Variants in CAMTA1 observed in about 807,000 individuals in gnomAD.
The protein encoded by CAMTA1 is calmodulin binding transcription activator 1.
Under a neutral mutation model 170.9 loss-of-function variants are expected in CAMTA1, and 27 were observed. The observed-to-expected ratio is 0.16, with a 90% CI of 0.12 to 0.22. The LOEUF is 0.22. Ranked by LOEUF, CAMTA1 falls within the 10% of genes least tolerant of loss-of-function variation. The pLI, the probability that CAMTA1 is intolerant of heterozygous loss-of-function variation, is 1.00. For missense variants in CAMTA1, 1,619 were observed against 2,217.2 expected (o/e 0.73, Z 5.42); for synonymous variants, 833 against 891.5 (o/e 0.93, Z 1.17).
intron 3 of CAMTA1, among the ~76,000 whole-genome samples, chr1:6,929,626 G>A (rs932517313): frequency 6.6e-6 from 1 of 152,192 alleles, no homozygotes; most frequent in African/African-American, 2.4e-5. Context: ...GCTTCCCAAA[G>A]TGCTGGGATT....
chr1:7,279,876 A>G (rs1671266640), intron 5 of CAMTA1, among the ~76,000 whole-genome samples: 1 of 152,134 alleles, frequency 6.6e-6, no homozygotes, highest in African/African-American at 2.4e-5. Context: ...ACCAAAAAAA[A>G]AGAACTTGCC....
At chr1:7,187,377 T>C (rs1240636179) in intron 4 of CAMTA1, among the ~76,000 whole-genome samples, 2 of 152,214 alleles carry the variant, frequency 1.3e-5, no homozygotes, top group Non-Finnish European at 2.9e-5. Flanking sequence ...AGCTCATTTT[T>C]TAACATAAAA....
chr1:7,168,064 A>G (rs1011394696), intron 4 of CAMTA1, among the ~76,000 whole-genome samples: 2 of 152,212 alleles, frequency 1.3e-5, no homozygotes, highest in Non-Finnish European at 2.9e-5. Context: ...CAGAAGATCT[A>G]TCTTAGGTTA....
At chr1:7,281,140 T>C (rs1442995827) in intron 5 of CAMTA1, among the ~76,000 whole-genome samples, 1 of 152,248 alleles carries the variant, frequency 6.6e-6, no homozygotes, top group Non-Finnish European at 1.5e-5. Flanking sequence ...TACCTCTATG[T>C]CTAGTTCCCC....
Position 7,338,599 on chromosome 1 carries a change from G to A in CAMTA1, c.438+88973G>A, listed in dbSNP as rs148482769. ...CAAGACAAAGCCCTGCCCTCATGGA[G>A]TGCACATGGGAAAGGCATTCAGTCA... is the stretch of plus-strand genomic sequence containing the variant. On this transcript the variant is annotated intron_variant, in intron 5 of 22. Transcript: ENST00000303635. 4.6e-5 allele frequency among the ~76,000 whole-genome samples: 7 copies of A among 152,312 alleles called. No homozygotes were observed. The East Asian group carries it at 1.2e-3, about 25-fold the overall frequency.
intron 4 of CAMTA1, among the ~76,000 whole-genome samples, chr1:7,223,672 G>A (rs551573143): frequency 6.6e-6 from 1 of 152,294 alleles, no homozygotes; most frequent in African/African-American, 2.4e-5. Flanking sequence ...CAAAGGGACA[G>A]TTAATAAATA....
intron 3 of CAMTA1, among the ~76,000 whole-genome samples, chr1:7,070,714 G>A (rs1638527277): frequency 6.6e-6 from 1 of 152,234 alleles, no homozygotes; most frequent in African/African-American, 2.4e-5. Context: ...GTTATAGGGA[G>A]GGGACCAGAG....
At chr1:7,364,942 G>C (rs1452588444) in intron 5 of CAMTA1, among the ~76,000 whole-genome samples, 3 of 152,256 alleles carry the variant, frequency 2.0e-5, no homozygotes, top group African/African-American at 4.8e-5. Context: ...CCAGTCAGGG[G>C]AATGGCGGTG....
Position 7,547,054 on chromosome 1 carries a change from C to T in CAMTA1, c.510+79153C>T, listed in dbSNP as rs1021807742. Among the ~76,000 whole-genome samples, 43 of 152,040 alleles carry T rather than the reference C, an allele frequency of 2.8e-4. 1 individual carries two copies. The highest frequency in any genetic ancestry group is 6.0e-4 in the Non-Finnish European group (41 of 67,996). Reference sequence around the variant, plus strand: ...TTATTCAATGGATTATAATCTATTACCATTGTTATTTATTTCAGTGTTCAT... The same window carrying T: ...TTATTCAATGGATTATAATCTATTATCATTGTTATTTATTTCAGTGTTCAT... On this transcript the variant is annotated intron_variant, in intron 6 of 22. Coordinates refer to ENST00000303635, the MANE Select transcript of CAMTA1 (RefSeq NM_015215.4). The surrounding 1 kb of genome is among the most constrained non-coding windows in gnomAD (Gnocchi z 5.7).
chr1:7,757,315 A>G (rs146770001), intron 22 of CAMTA1, among the ~76,000 whole-genome samples: 140 of 152,386 alleles, frequency 9.2e-4, no homozygotes, highest in African/African-American at 3.2e-3. Flanking sequence ...CAGACAACAC[A>G]TAAATGAATG....
chr1:7,106,579 G>C (rs921488172), intron 4 of CAMTA1, among the ~76,000 whole-genome samples: 1 of 152,048 alleles, frequency 6.6e-6, no homozygotes, highest in African/African-American at 2.4e-5. Context: ...TTCAACTTCG[G>C]TGTCTTTCTT....
At chr1:7,462,748 G>C (rs1326798257) in intron 5 of CAMTA1, among the ~76,000 whole-genome samples, 1 of 152,158 alleles carries the variant, frequency 6.6e-6, no homozygotes, top group East Asian at 1.9e-4. Flanking sequence ...CCCTGGCAGG[G>C]ACCTAGTAAC....
At chr1:7,089,558 CCCATCCCATCCCA>C in intron 3 of CAMTA1, among the ~76,000 whole-genome samples, 1 of 140,150 alleles carries the variant, frequency 7.1e-6, no homozygotes, top group African/African-American at 2.5e-5. Context: ...CCCATCCCAT[CCCATCCCATCCCA>C]TCCCATCCCA....
At position 7,730,928 on chromosome 1, in the gene CAMTA1, C is replaced by CTATATA. The variant is rs148508017; in HGVS notation, c.2915-1506_2915-1501dup. ...TCTCAATCTCTCTCTCTCTCTCTCT[C>CTATATA]TATATATATATATATATATTTAACA... On this transcript the variant is annotated intron_variant, in intron 11 of 22. Coordinates refer to ENST00000303635, the MANE Select transcript of CAMTA1 (RefSeq NM_015215.4). Among the ~76,000 whole-genome samples the CTATATA allele has an allele frequency of 7.6e-4, 87 of 114,218 alleles. 1 individual carries two copies. Among genetic ancestry groups the CTATATA allele is most frequent in the African/African-American group, 2.4e-3 (77 of 31,738 alleles). The allele number at this position is 114,218 out of a possible 152,430, so 74.9% of individuals were successfully genotyped here.
rs899187040 is a variant in CAMTA1, at chr1:6,971,041, G to A, written c.235-120263G>A. ...GCCTTCCTTCCTTCTCAGGGCTTTG[G>A]AAGCCCCTCTTCTTTCCAAAGGGGC... On this transcript the variant is annotated intron_variant, in intron 3 of 22. Coordinates refer to ENST00000303635, the MANE Select transcript of CAMTA1 (RefSeq NM_015215.4). The surrounding 1 kb of genome is among the most constrained non-coding windows in gnomAD (Gnocchi z 4.6). 6.6e-6 allele frequency among the ~76,000 whole-genome samples: 1 copy of A among 152,158 alleles called. No homozygotes were observed. The highest frequency in any genetic ancestry group is 2.4e-5 in the African/African-American group (1 of 41,430).
intron 6 of CAMTA1, among the ~76,000 whole-genome samples, chr1:7,520,874 T>C (rs1252023736): frequency 6.6e-6 from 1 of 152,088 alleles, no homozygotes; most frequent in Admixed American, 6.5e-5. Context: ...TTCCTCAGCA[T>C]GGCCAGACAC....
intron 3 of CAMTA1, among the ~76,000 whole-genome samples, chr1:6,927,096 C>G (rs1228172284): frequency 1.3e-5 from 2 of 151,948 alleles, no homozygotes; most frequent in Non-Finnish European, 2.9e-5. Context: ...ACAATCATAA[C>G]TCACTGTAGC....
chr1:6,879,613 CTTTTTTTTTTT>C (rs58610375), intron 3 of CAMTA1, among the ~76,000 whole-genome samples: 1 of 132,866 alleles, frequency 7.5e-6, no homozygotes, highest in Admixed American at 7.9e-5. Context: ...TTCCTTTTTT[CTTTTTTTTTTT>C]TTTTTTGAGA....
chr1:7,058,794 G>C (rs1360141201), intron 3 of CAMTA1, among the ~76,000 whole-genome samples: 3 of 152,086 alleles, frequency 2.0e-5, no homozygotes, highest in Non-Finnish European at 2.9e-5. Flanking sequence ...GCCATAGAAG[G>C]ATGAAAAATA....
Sources: gnomAD v4.1 joint callset for allele counts (sites outside exome capture counted in the v4.1 genomes callset) on GRCh38, gnomAD v4.1.1 for gene constraint, Gnocchi (gnomAD v3.1) non-coding constraint, MANE v1.5 for transcripts, NCBI Gene and HGNC (gene_info 2026-07-23, HGNC 2026-07-21) for gene names.